The following SDC2 variants were observed in gnomAD, a reference collection of about 807,000 sequenced individuals.
The protein encoded by SDC2 is syndecan 2.
SDC2 carries 13 observed loss-of-function variants against 22.2 expected under a neutral mutation model. The ratio of observed to expected loss-of-function variants is 0.59; its 90% CI spans 0.38 to 0.93. The LOEUF (loss-of-function observed/expected upper bound fraction) is 0.93. Ranked by LOEUF, SDC2 falls within the 40% of genes least tolerant of loss-of-function variation. SDC2 has a pLI of 0.00. For missense variants in SDC2, 235 were observed against 246.8 expected (o/e 0.95, Z 0.32); for synonymous variants, 94 against 92.8 (o/e 1.01, Z -0.07).
intron 1 of SDC2, among the ~76,000 whole-genome samples, chr8:96,568,513 G>A (rs543760337): frequency 1.3e-5 from 2 of 152,368 alleles, no homozygotes; most frequent in South Asian, 4.1e-4. Flanking sequence ...TGTGGTCAAA[G>A]AGGTCCAAAA....
chr8:96,522,462 T>C (rs1254214710), intron 1 of SDC2, among the ~76,000 whole-genome samples: 2 of 152,312 alleles, frequency 1.3e-5, no homozygotes, highest in East Asian at 3.9e-4. Flanking sequence ...AGACATAGTC[T>C]TGGCTACTTC....
chr8:96,540,877 C>T (rs955731355), intron 1 of SDC2, among the ~76,000 whole-genome samples: 8 of 152,162 alleles, frequency 5.3e-5, no homozygotes, highest in African/African-American at 1.4e-4. Context: ...GTTATTGAGT[C>T]GTGCATTCTT....
intron 1 of SDC2, among the ~76,000 whole-genome samples, chr8:96,528,779 G>C (rs1813617522): frequency 6.6e-6 from 1 of 152,160 alleles, no homozygotes; most frequent in Non-Finnish European, 1.5e-5. Context: ...AGAAAAACTG[G>C]AAAAATATGC....
At chr8:96,578,230 C>G (rs986091970) in intron 1 of SDC2, among the ~76,000 whole-genome samples, 1 of 152,172 alleles carries the variant, frequency 6.6e-6, no homozygotes, top group South Asian at 2.1e-4. Context: ...CTTCCAACAG[C>G]AGTTTCTTAA....
chr8:96,521,172 T>C (rs1451813311), intron 1 of SDC2, among the ~76,000 whole-genome samples: 1 of 152,150 alleles, frequency 6.6e-6, no homozygotes, highest in East Asian at 1.9e-4. Flanking sequence ...ATAAATAATA[T>C]GTTGTGTATT....
intron 1 of SDC2, among the ~76,000 whole-genome samples, chr8:96,511,661 G>T (rs1256576299): frequency 6.6e-6 from 1 of 152,308 alleles, no homozygotes; most frequent in East Asian, 1.9e-4. Flanking sequence ...CATCGAGTGA[G>T]TGCTGGTGCA....
At position 96,494,179 on chromosome 8, in the gene SDC2, T is replaced by C. The variant is rs996456865; in HGVS notation, c.-93T>C. 9.9e-6 allele frequency: 13 copies of C among 1,316,258 alleles called. No homozygotes were observed. The Admixed American group carries it at 2.6e-4, about 26-fold the overall frequency. The allele number at this position is 1,316,258 out of a possible 1,614,324, so 81.5% of individuals were successfully genotyped here. On this transcript the variant is annotated 5_prime_UTR_variant, in exon 1 of 5. Transcript: ENST00000302190. ...AATCGCTGCGGTACTCTGCTCCGGA[T>C]TCGTGTGCGCGGGCTGCGCCGAGCG...
intron 1 of SDC2, among the ~76,000 whole-genome samples, chr8:96,528,270 T>C (rs1586281494): frequency 6.6e-6 from 1 of 152,146 alleles, no homozygotes; most frequent in African/African-American, 2.4e-5. Flanking sequence ...AGAAAGAGGA[T>C]TTTTTTTAAG....
At chr8:96,558,516 C>T (rs1465476630) in intron 1 of SDC2, among the ~76,000 whole-genome samples, 1 of 152,030 alleles carries the variant, frequency 6.6e-6, no homozygotes, top group African/African-American at 2.4e-5. Flanking sequence ...ATGTCTATAC[C>T]TAGTAAGTGC....
At chr8:96,591,524 C>T (rs1036734703) in intron 1 of SDC2, among the ~76,000 whole-genome samples, 1 of 152,166 alleles carries the variant, frequency 6.6e-6, no homozygotes, top group African/African-American at 2.4e-5. Context: ...TCATTCAAAA[C>T]ATGCCTTCAA....
intron 1 of SDC2, among the ~76,000 whole-genome samples, chr8:96,501,806 T>G (rs1813170014): frequency 6.6e-6 from 1 of 152,192 alleles, no homozygotes; most frequent in Non-Finnish European, 1.5e-5. Flanking sequence ...ATATTTACTT[T>G]TTCTGCACTT....
intron 1 of SDC2, among the ~76,000 whole-genome samples, chr8:96,555,203 G>A (rs1814089988): frequency 6.6e-6 from 1 of 152,114 alleles, no homozygotes; most frequent in African/African-American, 2.4e-5. Context: ...TTAGCAGGAT[G>A]CCTCATACTT....
intron 1 of SDC2, among the ~76,000 whole-genome samples, chr8:96,516,170 A>G (rs1364131509): frequency 1.3e-5 from 2 of 152,224 alleles, no homozygotes; most frequent in Non-Finnish European, 2.9e-5. Context: ...CTGAAAACCT[A>G]GAAAGCTTGC....
rs185123839 is a variant in SDC2, at chr8:96,503,236, G to A, written c.60+8905G>A. Among the ~76,000 whole-genome samples, 49 of 152,266 alleles carry A rather than the reference G, an allele frequency of 3.2e-4. No homozygotes were observed. In the South Asian group the frequency reaches 5.8e-3, roughly 18 times the overall value. The stretch of plus-strand genomic sequence containing the variant: ...AAAGGAAATCATTACCAGGTAAATA[G>A]TATTTAATGTCTTTGTTGAAGTCTC... On this transcript the variant is annotated intron_variant, in intron 1 of 4. Coordinates refer to ENST00000302190, the MANE Select transcript of SDC2 (RefSeq NM_002998.4).
At chr8:96,577,034 C>T (rs1814516771) in intron 1 of SDC2, among the ~76,000 whole-genome samples, 1 of 152,172 alleles carries the variant, frequency 6.6e-6, no homozygotes, top group Non-Finnish European at 1.5e-5. Flanking sequence ...TTATTTAATA[C>T]TTGTACACAA....
intron 1 of SDC2, among the ~76,000 whole-genome samples, chr8:96,533,111 G>A (rs578174413): frequency 1.3e-5 from 2 of 152,294 alleles, no homozygotes; most frequent in South Asian, 4.1e-4. Flanking sequence ...GGCTTCAGGA[G>A]TGAAGCTGCA....
At chr8:96,513,871 A>G (rs1412062618) in intron 1 of SDC2, among the ~76,000 whole-genome samples, 1 of 152,152 alleles carries the variant, frequency 6.6e-6, no homozygotes, top group Non-Finnish European at 1.5e-5. Context: ...GTTTGTTTGG[A>G]TGGCTGTTTA....
At chr8:96,556,552 G>T (rs1005391297) in intron 1 of SDC2, among the ~76,000 whole-genome samples, 1 of 151,872 alleles carries the variant, frequency 6.6e-6, no homozygotes, top group Admixed American at 6.6e-5. Context: ...AAATGGTGCT[G>T]GGAAAACTGG....
intron 1 of SDC2, among the ~76,000 whole-genome samples, chr8:96,576,368 G>GTTTTTTTTTTTTTTTTTTTTT (rs1481198542): frequency 1.8e-4 from 3 of 16,610 alleles, no homozygotes; most frequent in African/African-American, 3.7e-4. Flanking sequence ...TTGGTAGTTT[G>GTTTTTTTTTTTTTTTTTTTTT]TTTTTGTTTT....
Sources: gnomAD v4.1 joint callset for allele counts (sites outside exome capture counted in the v4.1 genomes callset) on GRCh38, gnomAD v4.1.1 for gene constraint, MANE v1.5 for transcripts, NCBI Gene and HGNC (gene_info 2026-07-23, HGNC 2026-07-21) for gene names.